Variants in UAP1 observed in about 807,000 individuals in gnomAD.
The protein encoded by UAP1 is UDP-N-acetylglucosamine pyrophosphorylase 1.
Under a neutral mutation model 58.5 loss-of-function variants are expected in UAP1, and 25 were observed. The ratio of observed to expected loss-of-function variants is 0.43; its 90% CI spans 0.31 to 0.60. The LOEUF (loss-of-function observed/expected upper bound fraction) is 0.60, where lower values mean the gene tolerates loss of function less well. UAP1 is among the 20% of genes least tolerant of loss of function. The pLI, the probability that UAP1 is intolerant of heterozygous loss-of-function variation, is 0.11. For synonymous variants in UAP1, 208 were observed against 213.0 expected (o/e 0.98, Z 0.21); for missense variants, 575 against 630.0 (o/e 0.91, Z 0.93).
At chr1:162,563,223 A>G (rs1653272589) in intron 1 of UAP1, among the ~76,000 whole-genome samples, 1 of 152,224 alleles carries the variant, frequency 6.6e-6, no homozygotes, top group Non-Finnish European at 1.5e-5. Context: ...TGCCTCAAAT[A>G]AATATAATAG....
At chr1:162,563,367 T>A (rs1653285301) in intron 1 of UAP1, among the ~76,000 whole-genome samples, 1 of 152,202 alleles carries the variant, frequency 6.6e-6, no homozygotes, top group Non-Finnish European at 1.5e-5. Flanking sequence ...CTTTTTTTTT[T>A]TATTTTTATT....
In UAP1 at chr1:162,595,496, A is replaced by G. The variant is rs1008376657; in HGVS notation, c.1410-2296A>G. 3.3e-5 allele frequency among the ~76,000 whole-genome samples: 5 copies of G among 151,746 alleles called. No individual in the cohort carries two copies. The South Asian group carries it at 1.0e-3, about 32-fold the overall frequency. On this transcript the variant is annotated intron_variant, in intron 9 of 10. Transcript: ENST00000271469. Reference sequence around the variant, plus strand: ...CAGAAGGTCTGGACTAGACCTCTTGAGCTCTTGTGGTAGAATCTGGCATGT... The same window carrying G: ...CAGAAGGTCTGGACTAGACCTCTTGGGCTCTTGTGGTAGAATCTGGCATGT...
At chr1:162,574,004 A>G (rs1654022404) in intron 2 of UAP1, among the ~76,000 whole-genome samples, 1 of 152,020 alleles carries the variant, frequency 6.6e-6, no homozygotes, top group Non-Finnish European at 1.5e-5. Context: ...TTGCTGAATA[A>G]TGTTCTTGGA....
intron 3 of UAP1, among the ~76,000 whole-genome samples, chr1:162,577,853 G>A (rs897757844): frequency 5.3e-5 from 8 of 151,738 alleles, no homozygotes; most frequent in African/African-American, 1.9e-4. Context: ...CTTGTGATCT[G>A]CCCGTCTCAG....
chr1:162,563,210 A>G (rs890298824), intron 1 of UAP1, among the ~76,000 whole-genome samples: 3 of 152,232 alleles, frequency 2.0e-5, no homozygotes, highest in Non-Finnish European at 4.4e-5. Context: ...AGGTGCTTAT[A>G]TCTGCCTCAA....
chr1:162,563,725 A>G (rs1481275527), intron 1 of UAP1, among the ~76,000 whole-genome samples: 2 of 152,204 alleles, frequency 1.3e-5, no homozygotes, highest in East Asian at 1.9e-4. Context: ...AGGAGTATCT[A>G]ATGATCTTTT....
At chr1:162,595,852 A>G (rs1309645551) in intron 9 of UAP1, among the ~76,000 whole-genome samples, 1 of 151,964 alleles carries the variant, frequency 6.6e-6, no homozygotes, top group Non-Finnish European at 1.5e-5. Context: ...TTTATTTATT[A>G]TTGTTATTAT....
At chr1:162,579,279 A>G in intron 3 of UAP1, 149 bp from the exon 4 acceptor site, 1 of 468,784 alleles carries the variant, frequency 2.1e-6, no homozygotes, top group East Asian at 3.5e-5. Context: ...CAGCTAATGA[A>G]TGTGTCTTAC....
chr1:162,581,086 A>G (rs181277185), intron 4 of UAP1, among the ~76,000 whole-genome samples: 186 of 152,308 alleles, frequency 1.2e-3, no homozygotes, highest in Middle Eastern at 6.8e-3. Context: ...TATTCTCTGG[A>G]TAGTTAATGC....
intron 2 of UAP1, among the ~76,000 whole-genome samples, chr1:162,576,149 A>G (rs562457166): frequency 2.6e-5 from 4 of 152,274 alleles, no homozygotes; most frequent in African/African-American, 7.2e-5. Context: ...CTCGCCCATT[A>G]TACTTTACTA....
chr1:162,565,918 A>G (rs1267748476), intron 1 of UAP1, 94 bp from the exon 2 acceptor site: 1 of 776,576 alleles, frequency 1.3e-6, no homozygotes, highest in Non-Finnish European at 2.0e-6. Flanking sequence ...TTTTTTTAAC[A>G]TCGTTTTGAA....
chr1:162,563,609 C>T (rs1653309138), intron 1 of UAP1, among the ~76,000 whole-genome samples: 1 of 152,126 alleles, frequency 6.6e-6, no homozygotes, highest in Non-Finnish European at 1.5e-5. Flanking sequence ...ATGATCCGCC[C>T]GCCTCGGCCT....
exon 2 of UAP1, chr1:162,566,107 T>G (rs1653476657): frequency 1.2e-6 from 2 of 1,612,716 alleles, no homozygotes; most frequent in East Asian, 2.2e-5. Context: ...TGTCCAAAGC[T>G]GGGCAAGAGC....
chr1:162,567,366 T>G (rs1653580718), intron 2 of UAP1, among the ~76,000 whole-genome samples: 1 of 152,216 alleles, frequency 6.6e-6, no homozygotes, highest in African/African-American at 2.4e-5. Context: ...GAACAAGAGT[T>G]TTATAGTTAT....
chr1:162,596,539 A>T (rs1655632377), intron 9 of UAP1, among the ~76,000 whole-genome samples: 1 of 152,204 alleles, frequency 6.6e-6, no homozygotes. Flanking sequence ...GGTCAAGAGA[A>T]GATTGGGGCT....
At chr1:162,584,667 G>T (rs751663992) in intron 5 of UAP1, among the ~76,000 whole-genome samples, 2 of 151,970 alleles carry the variant, frequency 1.3e-5, no homozygotes, top group Non-Finnish European at 2.9e-5. Flanking sequence ...ATTTTTTGTA[G>T]AGGTGGGGTT....
intron 6 of UAP1, 40 bp from the exon 7 acceptor site, chr1:162,588,652 AT>A (rs767898598): frequency 6.3e-7 from 1 of 1,576,792 alleles, no homozygotes; most frequent in Admixed American, 2.0e-5. Context: ...GGCATTTTAA[AT>A]CTGGAACGTG....
intron 1 of UAP1, 56 bp from the exon 2 acceptor site, chr1:162,565,956 G>A: frequency 3.5e-6 from 4 of 1,140,488 alleles, no homozygotes; most frequent in Non-Finnish European, 5.0e-6. Flanking sequence ...GGGGAAAAAA[G>A]CCCTCAATTT....
At chr1:162,592,090 A>G (rs577552365) in intron 8 of UAP1, among the ~76,000 whole-genome samples, 2 of 152,330 alleles carry the variant, frequency 1.3e-5, no homozygotes, top group South Asian at 2.1e-4. Context: ...GGCTGCAAGA[A>G]TGCCTCAATA....
Sources: gnomAD v4.1 joint callset for allele counts (sites outside exome capture counted in the v4.1 genomes callset) on GRCh38, gnomAD v4.1.1 for gene constraint, MANE v1.5 for transcripts, NCBI Gene and HGNC (gene_info 2026-07-23, HGNC 2026-07-21) for gene names.